HDAC9: variants seen among roughly 807,000 people sequenced by gnomAD.
HDAC9 encodes the protein MEF-2 interacting transcription repressor (MITR) protein.
A neutral mutation model predicts 139.4 loss-of-function variants in HDAC9; 41 were observed. The ratio of observed to expected loss-of-function variants is 0.29; its 90% CI spans 0.23 to 0.38. HDAC9 has a LOEUF of 0.38. HDAC9 is among the 10% of genes least tolerant of loss of function. The probability of loss-of-function intolerance (pLI) is 1.00; values close to 1 mark genes in which losing one functional copy is unlikely to be tolerated. For missense variants in HDAC9, 1,147 were observed against 1,297.0 expected (o/e 0.88, Z 1.78); for synonymous variants, 517 against 476.2 (o/e 1.09, Z -1.12).
chr7:18,839,454 C>T (rs1235350318), intron 21 of HDAC9, among the ~76,000 whole-genome samples: 1 of 151,984 alleles, frequency 6.6e-6, no homozygotes, highest in Non-Finnish European at 1.5e-5. Flanking sequence ...CGCATAGCCT[C>T]CCAACCTAAG....
intron 1 of HDAC9, among the ~76,000 whole-genome samples, chr7:18,331,752 G>A (rs1356634632): frequency 6.6e-6 from 1 of 151,650 alleles, no homozygotes. Flanking sequence ...ACTGCTACAA[G>A]TTTGTTGGAG....
At chr7:18,159,427 G>A (rs532579741) in intron 1 of HDAC9, among the ~76,000 whole-genome samples, 54 of 152,242 alleles carry the variant, frequency 3.5e-4, no homozygotes, top group Middle Eastern at 3.4e-3. Flanking sequence ...GTTCCCTATT[G>A]TCATCAACAC....
intron 25 of HDAC9, among the ~76,000 whole-genome samples, chr7:18,991,371 T>C (rs1021365827): frequency 6.6e-6 from 1 of 152,232 alleles, no homozygotes; most frequent in Non-Finnish European, 1.5e-5. Flanking sequence ...CTGGGCACAG[T>C]GGCTCATGCC....
chr7:18,360,884 A>G (rs554067370), intron 1 of HDAC9, among the ~76,000 whole-genome samples: 1 of 152,210 alleles, frequency 6.6e-6, no homozygotes, highest in Admixed American at 6.5e-5. Flanking sequence ...ATAATGATCA[A>G]TGGGTAAATT....
intron 1 of HDAC9, among the ~76,000 whole-genome samples, chr7:18,120,809 T>C (rs1002340845): frequency 4.6e-5 from 7 of 152,228 alleles, no homozygotes; most frequent in African/African-American, 1.7e-4. Context: ...CTTCTCTTTG[T>C]ATCTTTCAAA....
rs1325778684 is a variant in HDAC9 at position 18,638,746 on chromosome 7, A to G, written c.912+4004A>G. On this transcript the variant is annotated intron_variant, in intron 8 of 25. Transcript: ENST00000686413. ...AGCTCTCATGTGAGAGTGAGTCTCC[A>G]TCTGCTCTGACCACTTCTGTTCCAT... Among the ~76,000 whole-genome samples the G allele has an allele frequency of 2.0e-5, 3 of 152,048 alleles. No homozygotes were observed. The East Asian group carries it at 5.8e-4, about 30-fold the overall frequency.
intron 8 of HDAC9, among the ~76,000 whole-genome samples, chr7:18,638,939 G>C (rs984672228): frequency 6.6e-6 from 1 of 151,978 alleles, no homozygotes; most frequent in Admixed American, 6.6e-5. Flanking sequence ...AATACTGTGG[G>C]CCTGTGGGTT....
At chr7:18,270,351 T>G (rs1341768910) in intron 2 of HDAC9, among the ~76,000 whole-genome samples, 1 of 151,754 alleles carries the variant, frequency 6.6e-6, no homozygotes, top group African/African-American at 2.4e-5. Context: ...CCTGTTACCT[T>G]CTCTGCCACT....
intron 1 of HDAC9, among the ~76,000 whole-genome samples, chr7:18,300,689 G>A (rs1160530607): frequency 1.3e-5 from 2 of 151,920 alleles, no homozygotes; most frequent in African/African-American, 4.8e-5. Context: ...TAAAGTTCTT[G>A]AACTATATAC....
At chr7:18,917,241 A>T (rs545026596) in intron 22 of HDAC9, among the ~76,000 whole-genome samples, 2 of 152,118 alleles carry the variant, frequency 1.3e-5, no homozygotes, top group South Asian at 4.1e-4. Context: ...GCAGTCAGTC[A>T]TGAGGGAGAA....
chr7:18,175,094 A>G (rs556290612), intron 2 of HDAC9, among the ~76,000 whole-genome samples: 1 of 152,226 alleles, frequency 6.6e-6, no homozygotes, highest in Non-Finnish European at 1.5e-5. Flanking sequence ...GGCCTTGCTG[A>G]GCTGTGGTGG....
intron 16 of HDAC9, among the ~76,000 whole-genome samples, chr7:18,785,570 A>T (rs1435203065): frequency 6.6e-6 from 1 of 152,056 alleles, no homozygotes; most frequent in Non-Finnish European, 1.5e-5. Context: ...CATTTGATTT[A>T]AAAAAAATAT....
intron 1 of HDAC9, among the ~76,000 whole-genome samples, chr7:18,126,997 A>G (rs1226849760): frequency 6.6e-6 from 1 of 152,200 alleles, no homozygotes; most frequent in Non-Finnish European, 1.5e-5. Flanking sequence ...ATGAATAGTT[A>G]TTGATGCCTG....
intron 25 of HDAC9, among the ~76,000 whole-genome samples, chr7:18,982,952 T>C (rs1563105149): frequency 6.6e-6 from 1 of 152,212 alleles, no homozygotes; most frequent in African/African-American, 2.4e-5. Context: ...TTAATTATTA[T>C]TGTGGTTTAA....
At chr7:18,805,956 A>T (rs934547408) in intron 17 of HDAC9, among the ~76,000 whole-genome samples, 1 of 152,232 alleles carries the variant, frequency 6.6e-6, no homozygotes, top group Admixed American at 6.5e-5. Flanking sequence ...AGAGATGTAC[A>T]CATCACATTT....
intron 2 of HDAC9, among the ~76,000 whole-genome samples, chr7:18,551,413 G>C (rs1039902338): frequency 2.6e-5 from 4 of 152,142 alleles, no homozygotes; most frequent in Non-Finnish European, 4.4e-5. Flanking sequence ...CCGAGGAAGT[G>C]ACTATAGGTG....
chr7:18,922,215 A>G (rs183486427), intron 22 of HDAC9, among the ~76,000 whole-genome samples: 1 of 152,112 alleles, frequency 6.6e-6, no homozygotes, highest in Admixed American at 6.6e-5. Flanking sequence ...GTACCCTACA[A>G]CTTAAACTAT....
chr7:18,188,065 A>G (rs1790053107), intron 2 of HDAC9, among the ~76,000 whole-genome samples: 1 of 152,204 alleles, frequency 6.6e-6, no homozygotes, highest in Admixed American at 6.5e-5. Context: ...AAAAGAACAA[A>G]GCTGGAGGCA....
chr7:18,466,583 A>G (rs748503643), intron 1 of HDAC9, among the ~76,000 whole-genome samples: 2 of 152,180 alleles, frequency 1.3e-5, no homozygotes, highest in Non-Finnish European at 2.9e-5. Context: ...TTATCATTGT[A>G]CATCTCTGAC....
Sources: gnomAD v4.1 joint callset for allele counts (sites outside exome capture counted in the v4.1 genomes callset) on GRCh38, gnomAD v4.1.1 for gene constraint, MANE v1.5 for transcripts, NCBI Gene and HGNC (gene_info 2026-07-23, HGNC 2026-07-21) for gene names.